Variants in HACD3 observed in about 807,000 individuals in gnomAD.
HACD3 encodes the protein 3-hydroxyacyl-CoA dehydratase 3, also known as very-long-chain (3R)-3-hydroxyacyl-CoA dehydratase 3.
A neutral mutation model predicts 55.2 loss-of-function variants in HACD3; 30 were observed. The observed-to-expected ratio is 0.54, with a 90% CI of 0.41 to 0.74. The LOEUF (loss-of-function observed/expected upper bound fraction) is 0.74, where lower values mean the gene tolerates loss of function less well. Ranked by LOEUF, HACD3 falls within the 30% of genes least tolerant of loss-of-function variation. HACD3 has a pLI of 0.00. For missense variants in HACD3, 363 were observed against 440.1 expected, an observed-to-expected ratio of 0.82 and a Z score of 1.57; for synonymous variants, 141 against 151.7, an observed-to-expected ratio of 0.93 and a Z score of 0.52.
chr15:65,539,071 G>A (rs959726787), intron 1 of HACD3, among the ~76,000 whole-genome samples: 10 of 152,086 alleles, frequency 6.6e-5, no homozygotes, highest in African/African-American at 2.4e-4. Context: ...CTTTATTGTG[G>A]TGGTCTGGAA....
intron 1 of HACD3, among the ~76,000 whole-genome samples, chr15:65,534,987 C>T (rs1279079219): frequency 6.6e-6 from 1 of 152,162 alleles, no homozygotes; most frequent in Non-Finnish European, 1.5e-5. Context: ...TAAGGTATGA[C>T]AAGAGGCGCT....
chr15:65,568,273 G>A (rs1895904527), intron 7 of HACD3, among the ~76,000 whole-genome samples: 1 of 151,956 alleles, frequency 6.6e-6, no homozygotes, highest in Non-Finnish European at 1.5e-5. Context: ...GAGATGGATG[G>A]TGATTATGGT....
At chr15:65,551,636 C>A in intron 1 of HACD3, 40 bp from the exon 2 acceptor site, 1 of 1,611,646 alleles carries the variant, frequency 6.2e-7, no homozygotes, top group East Asian at 2.2e-5. Context: ...TTTTTCTCTT[C>A]ATTAAAATGC....
At chr15:65,537,932 C>G in intron 1 of HACD3, among the ~76,000 whole-genome samples, 1 of 33,908 alleles carries the variant, frequency 2.9e-5, no homozygotes, top group Non-Finnish European at 5.2e-5. Context: ...GCCAACTTCT[C>G]AGAAAAAAAA....
At chr15:65,540,827 A>C (rs1464487807) in intron 1 of HACD3, among the ~76,000 whole-genome samples, 1 of 152,206 alleles carries the variant, frequency 6.6e-6, no homozygotes, top group Non-Finnish European at 1.5e-5. Flanking sequence ...TAAAGGGGCA[A>C]AAGTGAACTC....
intron 1 of HACD3, among the ~76,000 whole-genome samples, chr15:65,531,027 C>G (rs1285663512): frequency 3.9e-5 from 6 of 152,214 alleles, no homozygotes; most frequent in African/African-American, 1.4e-4. Flanking sequence ...AGGCCCGGCC[C>G]TGGCTGCCTG....
intron 1 of HACD3, among the ~76,000 whole-genome samples, chr15:65,544,749 C>T (rs1247863092): frequency 1.3e-5 from 2 of 151,910 alleles, no homozygotes; most frequent in African/African-American, 2.4e-5. Flanking sequence ...TTGCCGGGTG[C>T]GGTGGCTCAC....
At chr15:65,570,527 G>A (rs959718412) in intron 8 of HACD3, among the ~76,000 whole-genome samples, 1 of 152,206 alleles carries the variant, frequency 6.6e-6, no homozygotes, top group African/African-American at 2.4e-5. Flanking sequence ...TGAAAGGGCT[G>A]AAGAAACAGG....
In HACD3 at chr15:65,556,668, C is replaced by T. The variant is rs1056632038; in HGVS notation, c.205-71C>T. 1.6e-5 allele frequency: 23 copies of T among 1,434,780 alleles called. No individual in the cohort carries two copies. The East Asian group carries it at 1.7e-4, about 10-fold the overall frequency. 88.9% of individuals were successfully genotyped at this position (1,434,780 alleles called of 1,614,324 possible). A position where few individuals can be genotyped will look rare whatever the true frequency, so the allele number is the denominator to read the frequency against. ...AAATATATCCTGCAGCTTCTATGTA[C>T]GGCGCCCCTGGCATGGTGCTGCTTC... On this transcript the variant is annotated intron_variant, in intron 3 of 10. Coordinates refer to ENST00000261875, the MANE Select transcript of HACD3 (RefSeq NM_016395.4).
Position 65,530,799 on chromosome 15 carries a change from C to T in HACD3, c.87+81C>T, listed in dbSNP as rs995884676. On this transcript the variant is annotated intron_variant, in intron 1 of 10. Coordinates refer to ENST00000261875, the MANE Select transcript of HACD3 (RefSeq NM_016395.4). The stretch of plus-strand genomic sequence containing the variant: ...CCAGGACCCCTGCCCCCTTTGTCCG[C>T]GTGCGCGCCGGAGAGCCTGCAGTGC... The T allele has an allele frequency of 7.1e-5, 94 of 1,330,264 alleles. No individual in the cohort carries two copies. In the Middle Eastern group the frequency reaches 1.0e-3, roughly 14 times the overall value. 82.4% of individuals were successfully genotyped at this position (1,330,264 alleles called of 1,614,324 possible). A position where few individuals can be genotyped will look rare whatever the true frequency, so the allele number is the denominator to read the frequency against.
rs925288132 is a variant in HACD3, at chr15:65,534,441, G to A, written c.87+3723G>A. The A allele has an allele frequency of 3.9e-5, 6 of 152,176 alleles. No homozygotes were observed. In the East Asian group the frequency reaches 1.2e-3, roughly 29 times the overall value. 9.4% of individuals were successfully genotyped at this position (152,176 alleles called of 1,614,324 possible). On this transcript the variant is annotated intron_variant, in intron 1 of 10. Transcript: ENST00000261875. ...GGCATCGTCTGTGCTTGAGGTGAACGGTAGCAAAGAGGCCAGCTAAAGCAG... is the reference window on the plus strand; with the variant it reads ...GGCATCGTCTGTGCTTGAGGTGAACAGTAGCAAAGAGGCCAGCTAAAGCAG...
At chr15:65,552,136 T>C (rs2072139679) in intron 2 of HACD3, among the ~76,000 whole-genome samples, 1 of 152,138 alleles carries the variant, frequency 6.6e-6, no homozygotes, top group Non-Finnish European at 1.5e-5. Flanking sequence ...CAAGGGCTCA[T>C]GGACCCGAGA....
At chr15:65,541,397 A>G (rs900638241) in intron 1 of HACD3, among the ~76,000 whole-genome samples, 1 of 152,208 alleles carries the variant, frequency 6.6e-6, no homozygotes, top group African/African-American at 2.4e-5. Flanking sequence ...GTTCAGCCAA[A>G]GATCACCAAA....
chr15:65,565,588 C>G (rs898983149), intron 7 of HACD3: 4 of 152,334 alleles, frequency 2.6e-5, no homozygotes, highest in Admixed American at 2.6e-4. Context: ...TGTACATTGG[C>G]CCCTCTCAGC....
chr15:65,531,104 G>T (rs952998557), intron 1 of HACD3, among the ~76,000 whole-genome samples: 1 of 151,928 alleles, frequency 6.6e-6, no homozygotes, highest in Non-Finnish European at 1.5e-5. Flanking sequence ...TCAGGGGTGC[G>T]GTTGTGACAG....
intron 2 of HACD3, chr15:65,551,957 AG>A: frequency 4.7e-6 from 2 of 423,866 alleles, no homozygotes; most frequent in South Asian, 3.6e-5. Context: ...AAAAAAAAAA[AG>A]AATCCTGGGT....
intron 1 of HACD3, among the ~76,000 whole-genome samples, chr15:65,545,450 C>T (rs2072065906): frequency 6.6e-6 from 1 of 151,508 alleles, no homozygotes; most frequent in African/African-American, 2.4e-5. Context: ...TGGATTGGAT[C>T]CTGGATTTTT....
intron 10 of HACD3, among the ~76,000 whole-genome samples, chr15:65,574,072 A>T (rs150278233): frequency 1.3e-5 from 2 of 152,362 alleles, no homozygotes; most frequent in Non-Finnish European, 2.9e-5. Flanking sequence ...ATAGTATATT[A>T]GTTCTCTATT....
At chr15:65,551,835 C>CATGAGGATCAGAGGCG in intron 2 of HACD3, 117 bp downstream of exon 2, 1 of 1,145,140 alleles carries the variant, frequency 8.7e-7, no homozygotes, top group Non-Finnish European at 1.3e-6. Flanking sequence ...GTTCACGCCT[C>CATGAGGATCAGAGGCG]TGATCCTCAT....
Sources: allele counts gnomAD v4.1 joint callset (sites outside exome capture counted in the v4.1 genomes callset), GRCh38; gene constraint gnomAD v4.1.1; transcripts MANE v1.5; gene names NCBI Gene and HGNC (gene_info 2026-07-23, HGNC 2026-07-21).